Variants in TBL1XR1 observed in about 807,000 individuals in gnomAD.
The protein encoded by TBL1XR1 is F-box-like/WD repeat-containing protein TBL1XR1.
TBL1XR1 carries 5 observed loss-of-function variants against 66.9 expected under a neutral mutation model. That is an observed-to-expected ratio of 0.07 (90% CI 0.04 to 0.16). The LOEUF (loss-of-function observed/expected upper bound fraction) is 0.16. TBL1XR1 is among the 10% of genes least tolerant of loss of function. The pLI, the probability that TBL1XR1 is intolerant of heterozygous loss-of-function variation, is 1.00. For synonymous variants in TBL1XR1, 210 were observed against 206.0 expected, an observed-to-expected ratio of 1.02 and a Z score of -0.17; for missense variants, 238 against 623.2, an observed-to-expected ratio of 0.38 and a Z score of 6.58.
rs554592563 is a variant in TBL1XR1, at chr3:177,037,014, G to A, written c.1122+1084C>T. ...TGAGGAATCTGGTGTGCTTAGGTGC[G>A]AGACAGCAGTTTTGCTTTTAGTCAT... is the stretch of plus-strand genomic sequence containing the variant. On this transcript the variant is annotated intron_variant, in intron 12 of 15. Transcript: ENST00000457928. Among the ~76,000 whole-genome samples, 7 of 152,236 alleles carry A rather than the reference G, an allele frequency of 4.6e-5. No individual in the cohort carries two copies. The East Asian group carries it at 7.7e-4, about 17-fold the overall frequency.
chr3:177,073,932 T>C (rs560032221), intron 2 of TBL1XR1, among the ~76,000 whole-genome samples: 35 of 152,326 alleles, frequency 2.3e-4, no homozygotes, highest in African/African-American at 8.2e-4. Flanking sequence ...AACTTGAAAC[T>C]AGTCTCTCTC....
At position 177,148,453 on chromosome 3, in the gene TBL1XR1, C is replaced by A. The variant is rs184787380; in HGVS notation, c.-122+48668G>T. The stretch of plus-strand genomic sequence containing the variant: ...TAAACCTCTCAGGCACAGTGGCTCA[C>A]GCCTGTAATGCCAGCACTTTGGGAG... On this transcript the variant is annotated intron_variant, in intron 1 of 15. Coordinates refer to ENST00000457928, the MANE Select transcript of TBL1XR1 (RefSeq NM_024665.7). Among the ~76,000 whole-genome samples, 956 of 152,290 alleles carry A rather than the reference C, an allele frequency of 6.3e-3. 8 individuals are homozygous for A. Among genetic ancestry groups the A allele is most frequent in the Middle Eastern group, 0.037 (11 of 294 alleles).
chr3:177,146,764 T>TA (rs1394440872), intron 1 of TBL1XR1, among the ~76,000 whole-genome samples: 1 of 152,022 alleles, frequency 6.6e-6, no homozygotes, highest in Non-Finnish European at 1.5e-5. Flanking sequence ...TTGTTTTCCT[T>TA]AAAGTAAAAG....
intron 1 of TBL1XR1, among the ~76,000 whole-genome samples, chr3:177,134,449 A>G (rs1311421668): frequency 6.6e-6 from 1 of 152,204 alleles, no homozygotes; most frequent in African/African-American, 2.4e-5. Flanking sequence ...TAAGGGGAAT[A>G]CATGATAATT....
chr3:177,129,104 G>A (rs1727986022), intron 1 of TBL1XR1, among the ~76,000 whole-genome samples: 1 of 152,114 alleles, frequency 6.6e-6, no homozygotes, highest in African/African-American at 2.4e-5. Context: ...TCAAAAGACA[G>A]TAGGCCCACA....
chr3:177,103,894 T>A (rs1055959992), intron 1 of TBL1XR1, among the ~76,000 whole-genome samples: 3 of 152,120 alleles, frequency 2.0e-5, no homozygotes, highest in Non-Finnish European at 2.9e-5. Context: ...GGCAGGGAGA[T>A]CACTTGAGGT....
At chr3:177,079,452 G>C (rs1250986949) in intron 2 of TBL1XR1, 1 of 149,000 alleles carries the variant, frequency 6.7e-6, no homozygotes, top group Non-Finnish European at 1.5e-5. Context: ...AAAAAAATTT[G>C]TATCTAGTAT....
At chr3:177,069,773 GAAAGGAAGGAAAAGGAAGGA>G (rs1387599923) in intron 2 of TBL1XR1, among the ~76,000 whole-genome samples, 1 of 97,600 alleles carries the variant, frequency 1.0e-5, no homozygotes, top group African/African-American at 4.6e-5. Flanking sequence ...AGAAAGGAAG[GAAAGGAAGGAAAAGGAAGGA>G]AAGGAAGGAA....
intron 2 of TBL1XR1, chr3:177,086,866 C>T (rs1722193369): frequency 1.3e-5 from 2 of 151,430 alleles, no homozygotes; most frequent in African/African-American, 4.9e-5. Context: ...AACATAAACA[C>T]ACACACCTTA....
intron 1 of TBL1XR1, among the ~76,000 whole-genome samples, chr3:177,135,963 T>C (rs987191949): frequency 7.2e-5 from 11 of 151,888 alleles, no homozygotes; most frequent in Admixed American, 7.2e-4. Context: ...TACCTAAAAC[T>C]GTTAAGCCAG....
At chr3:177,146,749 G>A (rs543805007) in intron 1 of TBL1XR1, among the ~76,000 whole-genome samples, 7 of 151,916 alleles carry the variant, frequency 4.6e-5, no homozygotes, top group African/African-American at 7.2e-5. Context: ...AACAAATACC[G>A]TCCGTTGTTT....
chr3:177,037,513 G>C (rs970542623), intron 12 of TBL1XR1: 2 of 152,206 alleles, frequency 1.3e-5, no homozygotes, highest in Non-Finnish European at 2.9e-5. Flanking sequence ...GGGCGGCGGG[G>C]GGGGCATCAC....
intron 1 of TBL1XR1, among the ~76,000 whole-genome samples, chr3:177,110,357 C>T (rs1725399157): frequency 6.6e-6 from 1 of 152,196 alleles, no homozygotes; most frequent in African/African-American, 2.4e-5. Context: ...GTTTAGGCAA[C>T]AATTTGTAAA....
intron 1 of TBL1XR1, among the ~76,000 whole-genome samples, chr3:177,117,868 A>C (rs1350001243): frequency 6.6e-6 from 1 of 152,188 alleles, no homozygotes; most frequent in Non-Finnish European, 1.5e-5. Context: ...AATGGGAAGG[A>C]AAAAAGGTGA....
At chr3:177,060,319 TA>T (rs1158130902) in intron 3 of TBL1XR1, among the ~76,000 whole-genome samples, 1 of 152,238 alleles carries the variant, frequency 6.6e-6, no homozygotes, top group Admixed American at 6.5e-5. Flanking sequence ...CGGTTATTTT[TA>T]AATAAATTTT....
chr3:177,050,461 C>G lies in TBL1XR1; in HGVS notation c.560+17G>C. ...AGATATTTTTAAGTCATTTTAGTAT[C>G]ACTTTGAGAAACATACCCTGATGCT... is the stretch of plus-strand genomic sequence containing the variant. On this transcript the variant is annotated intron_variant, in intron 6 of 15. Coordinates refer to ENST00000457928, the MANE Select transcript of TBL1XR1 (RefSeq NM_024665.7). 1.4e-5 allele frequency: 22 copies of G among 1,612,242 alleles called. No homozygotes were observed. The highest frequency in any genetic ancestry group is 1.9e-5 in the Non-Finnish European group (22 of 1,179,204).
Position 177,034,210 on chromosome 3 carries a change from A to T in TBL1XR1, c.1238T>A (p.Leu413His). ...GPGTNNPNAN[L>H]MLASASFDST... ...ACAGAAGTATCACCTTGCTAACATAAGGTTGGCATTTGGATTATTAGTCCC... is the reference window on the plus strand; with the variant it reads ...ACAGAAGTATCACCTTGCTAACATATGGTTGGCATTTGGATTATTAGTCCC... The change falls in exon 13 of 16, where the codon CTT becomes CAT. Residue 413 changes from leucine to histidine, a missense_variant. By Grantham distance (99) the Leu-to-His change is moderately conservative. Coordinates refer to ENST00000457928, the MANE Select transcript of TBL1XR1 (RefSeq NM_024665.7). 1 of 1,601,720 alleles carries T rather than the reference A, an allele frequency of 6.2e-7. No homozygotes were observed. Among genetic ancestry groups the T allele is most frequent in the Non-Finnish European group, 8.5e-7 (1 of 1,176,958 alleles).
At chr3:177,181,361 TC>T (rs1244133616) in intron 1 of TBL1XR1, among the ~76,000 whole-genome samples, 2 of 151,186 alleles carry the variant, frequency 1.3e-5, no homozygotes. Flanking sequence ...ACGCCTATAA[TC>T]CCAGCTACTC....
At chr3:177,133,876 CAA>C (rs541940840) in intron 1 of TBL1XR1, among the ~76,000 whole-genome samples, 69 of 105,704 alleles carry the variant, frequency 6.5e-4, no homozygotes, top group East Asian at 1.3e-3. Flanking sequence ...ACTCCTATCT[CAA>C]AAAAAAAAAA....
Sources: allele counts gnomAD v4.1 joint callset (sites outside exome capture counted in the v4.1 genomes callset), GRCh38; gene constraint gnomAD v4.1.1; transcripts MANE v1.5; gene names NCBI Gene and HGNC (gene_info 2026-07-23, HGNC 2026-07-21).